Variants in UBR1 observed in about 807,000 individuals in gnomAD.
The protein encoded by UBR1 is ubiquitin protein ligase E3 component n-recognin 1.
A neutral mutation model predicts 242.1 loss-of-function variants in UBR1; 102 were observed. The ratio of observed to expected loss-of-function variants is 0.42; its 90% CI spans 0.36 to 0.50. UBR1 has a LOEUF of 0.50. UBR1 is among the 20% of genes least tolerant of loss of function. The pLI, the probability that UBR1 is intolerant of heterozygous loss-of-function variation, is 0.01. For missense variants in UBR1, 1,772 were observed against 2,101.8 expected (o/e 0.84, Z 3.07); for synonymous variants, 675 against 684.8 (o/e 0.99, Z 0.22).
At chr15:42,979,258 C>T (rs2032339217) in intron 37 of UBR1, among the ~76,000 whole-genome samples, 2 of 149,978 alleles carry the variant, frequency 1.3e-5, no homozygotes, top group South Asian at 2.1e-4. Context: ...TGACCAGGCT[C>T]GAACTTCTGA....
intron 6 of UBR1, among the ~76,000 whole-genome samples, chr15:43,063,069 T>C (rs2033708006): frequency 6.6e-6 from 1 of 152,240 alleles, no homozygotes; most frequent in East Asian, 1.9e-4. Flanking sequence ...CAATTGGGTG[T>C]ACAACATTAT....
chr15:42,988,610 T>C, intron 35 of UBR1: 1 of 649,202 alleles, frequency 1.5e-6, no homozygotes, highest in Non-Finnish European at 2.6e-6. Flanking sequence ...TAACTTATGT[T>C]GCATATGGCC....
chr15:43,054,123 A>G (rs1246977663), intron 12 of UBR1, among the ~76,000 whole-genome samples: 2 of 152,142 alleles, frequency 1.3e-5, no homozygotes, highest in Non-Finnish European at 2.9e-5. Context: ...GCCAAAGCAG[A>G]AGGACTGCTT....
chr15:42,978,987 C>T (rs553335072), intron 37 of UBR1, among the ~76,000 whole-genome samples: 6 of 151,052 alleles, frequency 4.0e-5, no homozygotes, highest in East Asian at 2.0e-4. Context: ...CTCTGCCTCC[C>T]GGGTTCAAGC....
intron 4 of UBR1, among the ~76,000 whole-genome samples, chr15:43,072,358 T>TG (rs1243156009): frequency 6.6e-6 from 1 of 152,214 alleles, no homozygotes; most frequent in Non-Finnish European, 1.5e-5. Context: ...CCCAAAGTGC[T>TG]GGGATTACAG....
intron 30 of UBR1, 72 bp from the exon 31 acceptor site, chr15:43,004,002 C>A: frequency 8.2e-6 from 11 of 1,340,924 alleles, no homozygotes; most frequent in Non-Finnish European, 1.2e-5. Flanking sequence ...CACAAACTGT[C>A]TTAGGAATGT....
At position 43,017,052 on chromosome 15, in the gene UBR1, A is replaced by G. The variant is rs2033035227; in HGVS notation, c.3027+43T>C. The G allele has an allele frequency of 2.0e-6, 3 of 1,497,222 alleles. No homozygotes were observed. In the South Asian group the frequency reaches 3.4e-5, roughly 17 times the overall value. 92.7% of individuals were successfully genotyped at this position (1,497,222 alleles called of 1,614,324 possible). ...TTATACCAGTAAAGTTCAAAGACAG[A>G]GATGAATGTCACCATTACTACAGTG... On this transcript the variant is annotated intron_variant, in intron 28 of 46. Transcript: ENST00000290650.
chr15:43,001,294 C>T (rs1460856932), intron 32 of UBR1, among the ~76,000 whole-genome samples: 1 of 151,970 alleles, frequency 6.6e-6, no homozygotes, highest in Admixed American at 6.6e-5. Context: ...ATTATAGGTG[C>T]CCACCATCAC....
intron 29 of UBR1, among the ~76,000 whole-genome samples, chr15:43,013,870 C>G (rs1013751978): frequency 6.6e-6 from 1 of 151,436 alleles, no homozygotes; most frequent in African/African-American, 2.4e-5. Context: ...TCCTCCCCTT[C>G]CCCCTCCCCC....
At chr15:42,953,379 G>A (rs2031865627) in intron 44 of UBR1, among the ~76,000 whole-genome samples, 1 of 152,094 alleles carries the variant, frequency 6.6e-6, no homozygotes, top group Admixed American at 6.6e-5. Flanking sequence ...CCCACACTGG[G>A]GTCGGAATAA....
intron 27 of UBR1, among the ~76,000 whole-genome samples, chr15:43,020,345 CTTTGA>C (rs924330583): frequency 1.3e-5 from 2 of 152,166 alleles, no homozygotes; most frequent in Non-Finnish European, 2.9e-5. Context: ...CCAGCCTCAT[CTTTGA>C]TTTATTTCCT....
At chr15:43,017,412 G>A (rs2033042415) in intron 27 of UBR1, among the ~76,000 whole-genome samples, 2 of 152,220 alleles carry the variant, frequency 1.3e-5, no homozygotes, top group South Asian at 4.1e-4. Context: ...AGATTCAGTA[G>A]GCTGGGGGCA....
At position 42,945,550 on chromosome 15, in the gene UBR1, C is replaced by A. The variant is rs183160602; in HGVS notation, c.5109-80G>T. 53 of 1,554,154 alleles carry A rather than the reference C, an allele frequency of 3.4e-5. No individual in the cohort carries two copies. In the African/African-American group the frequency reaches 6.1e-4, roughly 18 times the overall value. On this transcript the variant is annotated intron_variant, in intron 46 of 46. Coordinates refer to ENST00000290650, the MANE Select transcript of UBR1 (RefSeq NM_174916.3). ...TCTTTATTGTCTAAATTAGTATGCA[C>A]TCTTGAGATGTTCCTGGAGCCGGGA...
chr15:43,055,846 C>T (rs1423221515), intron 11 of UBR1, among the ~76,000 whole-genome samples: 2 of 152,090 alleles, frequency 1.3e-5, no homozygotes, highest in East Asian at 1.9e-4. Context: ...ACCCGGGAGG[C>T]GGAGGCTGCA....
chr15:43,103,209 G>A (rs2034259215), intron 1 of UBR1, among the ~76,000 whole-genome samples: 2 of 152,112 alleles, frequency 1.3e-5, no homozygotes, highest in African/African-American at 4.8e-5. Flanking sequence ...TACAAAATAT[G>A]CAAAAAATTA....
At chr15:43,025,796 G>A (rs1475001925) in intron 23 of UBR1, 5 of 208,962 alleles carry the variant, frequency 2.4e-5, no homozygotes, top group Admixed American at 1.0e-4. Context: ...ACAAAAAGAC[G>A]TATGTGCCTA....
intron 19 of UBR1, among the ~76,000 whole-genome samples, chr15:43,034,841 C>T (rs1188180379): frequency 2.7e-5 from 4 of 149,368 alleles, no homozygotes; most frequent in African/African-American, 4.9e-5. Context: ...GAGCCGAGAT[C>T]GCGCCATTGC....
Position 42,963,601 on chromosome 15 carries a change from A to G in UBR1, c.4700+334T>C, listed in dbSNP as rs565159465. Among the ~76,000 whole-genome samples the G allele has an allele frequency of 9.2e-5, 14 of 152,088 alleles. No homozygotes were observed. The South Asian group carries it at 1.7e-3, about 18-fold the overall frequency. On this transcript the variant is annotated intron_variant, in intron 42 of 46. Transcript: ENST00000290650. ...CATGTGAGATATGCTCCTATTTTGG[A>G]TACAGTTCCAATTTGGGTTCTTTTG...
chr15:42,986,162 T>C (rs1016794317), intron 35 of UBR1, among the ~76,000 whole-genome samples: 16 of 152,136 alleles, frequency 1.1e-4, no homozygotes, highest in African/African-American at 3.9e-4. Flanking sequence ...GCATAAACAG[T>C]AATTCAAAGG....
Sources: gnomAD v4.1 joint callset for allele counts (sites outside exome capture counted in the v4.1 genomes callset) on GRCh38, gnomAD v4.1.1 for gene constraint, MANE v1.5 for transcripts, NCBI Gene and HGNC (gene_info 2026-07-23, HGNC 2026-07-21) for gene names.